RAMP1: variants seen among roughly 807,000 people sequenced by gnomAD.
RAMP1 encodes receptor activity-modifying protein 1.
RAMP1 carries 7 observed loss-of-function variants against 8.2 expected under a neutral mutation model. That is an observed-to-expected ratio of 0.85 (90% CI 0.49 to 1.60). The LOEUF is 1.60. RAMP1 is among the 40% of genes most tolerant of loss of function. RAMP1 has a pLI of 0.00. For synonymous variants in RAMP1, 92 were observed against 84.7 expected, an observed-to-expected ratio of 1.09 and a Z score of -0.47; for missense variants, 192 against 202.4, an observed-to-expected ratio of 0.95 and a Z score of 0.31.
chr2:237,867,208 G>A (rs902777487), intron 1 of RAMP1, among the ~76,000 whole-genome samples: 8 of 152,154 alleles, frequency 5.3e-5, no homozygotes, highest in East Asian at 1.9e-4. Context: ...GCAATCCAGC[G>A]TGGGCAATAG....
Position 237,878,099 on chromosome 2 carries a change from G to T in RAMP1, c.191+737G>T. The T allele has an allele frequency of 1.0e-6, 1 of 985,472 alleles. No homozygotes were observed. Among genetic ancestry groups the T allele is most frequent in the Non-Finnish European group, 1.2e-6 (1 of 829,930 alleles). 61.0% of individuals were successfully genotyped at this position (985,472 alleles called of 1,614,324 possible). The stretch of plus-strand genomic sequence containing the variant: ...GTGGGAGGCGCTGGGGTGTCCTGGG[G>T]CTGCAGTGGGTGAGTAGCGGGGTCA... On this transcript the variant is annotated intron_variant, in intron 2 of 2. Transcript: ENST00000254661. The surrounding 1 kb of genome is among the most constrained non-coding windows in gnomAD (Gnocchi z 5.7).
chr2:237,861,811 A>G (rs970777710), intron 1 of RAMP1, among the ~76,000 whole-genome samples: 1 of 151,738 alleles, frequency 6.6e-6, no homozygotes, highest in African/African-American at 2.4e-5. Context: ...AGATCATGCC[A>G]CTGCACTCCA....
intron 1 of RAMP1, among the ~76,000 whole-genome samples, chr2:237,867,598 G>A (rs749117153): frequency 6.6e-6 from 1 of 152,192 alleles, no homozygotes; most frequent in Non-Finnish European, 1.5e-5. Context: ...TGCCCAGCTG[G>A]ACATTGTCTC....
intron 1 of RAMP1, among the ~76,000 whole-genome samples, chr2:237,872,087 G>C (rs766014092): frequency 5.3e-5 from 8 of 152,206 alleles, no homozygotes; most frequent in Non-Finnish European, 1.2e-4. Context: ...TCCTGCGATG[G>C]TATCGTCCAT....
In RAMP1 at chr2:237,859,742, G is replaced by A. The variant is rs1414958101; in HGVS notation, c.52+15G>A. Reference sequence around the variant, plus strand: ...GCTGCTCCTGGGTGAGTAGGTCCAGGGGTCCCGGCCGAGCTCCCTTCCCCT... The same window carrying A: ...GCTGCTCCTGGGTGAGTAGGTCCAGAGGTCCCGGCCGAGCTCCCTTCCCCT... On this transcript the variant is annotated intron_variant, in intron 1 of 2. Transcript: ENST00000254661. 3 of 1,506,930 alleles carry A rather than the reference G, an allele frequency of 2.0e-6. No individual in the cohort carries two copies. Among genetic ancestry groups the A allele is most frequent in the Admixed American group, 4.3e-5 (2 of 46,308 alleles). 93.3% of individuals were successfully genotyped at this position (1,506,930 alleles called of 1,614,324 possible).
At chr2:237,888,334 A>AT (rs1323548660) in intron 2 of RAMP1, among the ~76,000 whole-genome samples, 1 of 152,174 alleles carries the variant, frequency 6.6e-6, no homozygotes, top group Non-Finnish European at 1.5e-5. Context: ...TACAGGCGTG[A>AT]GCCACCACGC....
intron 1 of RAMP1, among the ~76,000 whole-genome samples, chr2:237,863,050 G>A (rs1385129619): frequency 6.6e-6 from 1 of 152,176 alleles, no homozygotes; most frequent in Admixed American, 6.5e-5. Context: ...TCCCTTGCAG[G>A]GACGGCAGGC....
At chr2:237,902,368 C>T (rs867792502) in intron 2 of RAMP1, among the ~76,000 whole-genome samples, 2 of 142,976 alleles carry the variant, frequency 1.4e-5, no homozygotes, top group Admixed American at 7.0e-5. Context: ...GAGGGAGAGG[C>T]CAGGAGGAGA....
chr2:237,872,618 G>A (rs376098242), intron 1 of RAMP1, among the ~76,000 whole-genome samples: 236 of 152,306 alleles, frequency 1.5e-3, no homozygotes, highest in African/African-American at 5.1e-3. Flanking sequence ...TGAGATGAGC[G>A]TGCCAGGGAT....
At chr2:237,911,022 A>G (rs1025201537) in intron 2 of RAMP1, among the ~76,000 whole-genome samples, 19 of 151,944 alleles carry the variant, frequency 1.3e-4, no homozygotes, top group African/African-American at 3.9e-4. Flanking sequence ...ACGGTCACAC[A>G]GAGAATAACA....
At chr2:237,879,765 G>A (rs749920875) in intron 2 of RAMP1, among the ~76,000 whole-genome samples, 1 of 149,002 alleles carries the variant, frequency 6.7e-6, no homozygotes, top group Non-Finnish European at 1.5e-5. Context: ...CAAGGCGGGT[G>A]GATCAACTGA....
chr2:237,890,725 G>A (rs1284817120), intron 2 of RAMP1, among the ~76,000 whole-genome samples: 2 of 152,136 alleles, frequency 1.3e-5, no homozygotes, highest in Non-Finnish European at 2.9e-5. Flanking sequence ...ATGCTGCATA[G>A]TATTCCTTTA....
chr2:237,883,590 A>G (rs907395287), intron 2 of RAMP1, among the ~76,000 whole-genome samples: 3 of 152,226 alleles, frequency 2.0e-5, no homozygotes, highest in African/African-American at 4.8e-5. Context: ...CCAAGGCAGA[A>G]GAATTACTTA....
At chr2:237,871,954 TGA>T (rs1576536244) in intron 1 of RAMP1, among the ~76,000 whole-genome samples, 2 of 152,284 alleles carry the variant, frequency 1.3e-5, no homozygotes, top group East Asian at 3.9e-4. Flanking sequence ...GTAAAATGGG[TGA>T]ATTTGTGGTA....
chr2:237,898,826 C>G (rs556501374), intron 2 of RAMP1, among the ~76,000 whole-genome samples: 2 of 152,206 alleles, frequency 1.3e-5, no homozygotes, highest in Non-Finnish European at 2.9e-5. Context: ...CACGCCAGGC[C>G]AGGCCACAGC....
intron 1 of RAMP1, among the ~76,000 whole-genome samples, chr2:237,875,843 C>T (rs1267098175): frequency 6.6e-6 from 1 of 152,116 alleles, no homozygotes; most frequent in South Asian, 2.1e-4. Flanking sequence ...ACCCCCACCC[C>T]ACCCCTGCAT....
At chr2:237,859,592 G>C (rs913184244), upstream of RAMP1, 53 of 1,055,904 alleles carry the variant, frequency 5.0e-5, no homozygotes, top group African/African-American at 7.1e-4. Flanking sequence ...CCCCCGGCGC[G>C]TCTCCTCCGG....
intron 2 of RAMP1, among the ~76,000 whole-genome samples, chr2:237,891,644 A>G (rs933793187): frequency 1.3e-5 from 2 of 152,188 alleles, no homozygotes; most frequent in African/African-American, 4.8e-5. Flanking sequence ...ATTTGAGACT[A>G]GTATATGATG....
chr2:237,872,937 C>T (rs779834732), intron 1 of RAMP1, among the ~76,000 whole-genome samples: 2 of 152,180 alleles, frequency 1.3e-5, no homozygotes, highest in African/African-American at 2.4e-5. Context: ...GAAGGATTGC[C>T]TAAGCCTAAG....
Sources: allele counts gnomAD v4.1 joint callset (sites outside exome capture counted in the v4.1 genomes callset), GRCh38; gene constraint gnomAD v4.1.1; non-coding constraint Gnocchi (gnomAD v3.1); transcripts MANE v1.5; gene names NCBI Gene and HGNC (gene_info 2026-07-23, HGNC 2026-07-21).